MCC: variants seen among roughly 807,000 people sequenced by gnomAD.
The protein encoded by MCC is colorectal mutant cancer protein.
MCC carries 90 observed loss-of-function variants against 116.2 expected under a neutral mutation model. That is an observed-to-expected ratio of 0.77 (90% confidence interval 0.65 to 0.92). The LOEUF (loss-of-function observed/expected upper bound fraction) is 0.92. Ranked by LOEUF, MCC falls within the 40% of genes least tolerant of loss-of-function variation. The probability of loss-of-function intolerance (pLI) is 0.00; values close to 1 mark genes in which losing one functional copy is unlikely to be tolerated. For synonymous variants in MCC, 578 were observed against 510.5 expected (o/e 1.13, Z -1.78); for missense variants, 1,516 against 1,312.2 (o/e 1.16, Z -2.40).
intron 3 of MCC, among the ~76,000 whole-genome samples, chr5:113,315,397 A>G (rs777334377): frequency 3.0e-4 from 45 of 152,322 alleles, no homozygotes; most frequent in Non-Finnish European, 5.7e-4. Context: ...ATTAGATTAA[A>G]TCATATGAAA....
At chr5:113,469,416 A>G (rs1200653565) in intron 1 of MCC, among the ~76,000 whole-genome samples, 1 of 151,952 alleles carries the variant, frequency 6.6e-6, no homozygotes, top group Non-Finnish European at 1.5e-5. Flanking sequence ...GAACATCTTT[A>G]TTTCTGCCTT....
At chr5:113,297,160 T>C (rs563867736) in intron 3 of MCC, among the ~76,000 whole-genome samples, 1 of 152,292 alleles carries the variant, frequency 6.6e-6, no homozygotes, top group Admixed American at 6.5e-5. Context: ...GAAATGAACA[T>C]GCCGATTGTA....
At position 113,434,240 on chromosome 5, in the gene MCC, C is replaced by T; in HGVS notation, c.171-49028G>A. 1.2e-6 allele frequency: 2 copies of T among 1,614,038 alleles called. No homozygotes were observed. The highest frequency in any genetic ancestry group is 1.7e-6 in the Non-Finnish European group (2 of 1,179,948). On this transcript the variant is annotated intron_variant, in intron 1 of 18. Transcript: ENST00000408903. The surrounding 1 kb of genome is among the most constrained non-coding windows in gnomAD (Gnocchi z 4.2). ...TGATGTAGAGGATCACGCCTAGGCT[C>T]CAGATGTCGTACACCTTGGGCTGGT...
Position 113,025,117 on chromosome 5 carries a change from T to G in MCC, c.*2185A>C, listed in dbSNP as rs539869171. 2 of 152,226 alleles carry G rather than the reference T, an allele frequency of 1.3e-5. No individual in the cohort carries two copies. The highest frequency in any genetic ancestry group is 3.9e-4 in the East Asian group (2 of 5,178). 9.4% of individuals were successfully genotyped at this position (152,226 alleles called of 1,614,324 possible). A position where few individuals can be genotyped will look rare whatever the true frequency, so the allele number is the denominator to read the frequency against. On this transcript the variant is annotated 3_prime_UTR_variant, in exon 19 of 19. Coordinates refer to ENST00000408903, the MANE Select transcript of MCC (RefSeq NM_001085377.2). Reference sequence around the variant, plus strand: ...TTTATTCCTGCTTCAGCCACATGTTTCTGTGTCAGTGAAAATGAAAACTGC... The same window carrying G: ...TTTATTCCTGCTTCAGCCACATGTTGCTGTGTCAGTGAAAATGAAAACTGC...
At chr5:113,301,062 G>A (rs1181405344) in intron 3 of MCC, among the ~76,000 whole-genome samples, 2 of 152,234 alleles carry the variant, frequency 1.3e-5, no homozygotes, top group Non-Finnish European at 2.9e-5. Flanking sequence ...CTGTGTGCTA[G>A]ATATTGTCCT....
At chr5:113,046,428 G>A (rs1314818594) in intron 16 of MCC, among the ~76,000 whole-genome samples, 1 of 151,986 alleles carries the variant, frequency 6.6e-6, no homozygotes, top group African/African-American at 2.4e-5. Flanking sequence ...CTGACCTCAA[G>A]TGATCCACCC....
intron 3 of MCC, among the ~76,000 whole-genome samples, chr5:113,191,606 G>A (rs1370127408): frequency 6.6e-6 from 1 of 152,238 alleles, no homozygotes; most frequent in African/African-American, 2.4e-5. Flanking sequence ...CAGTGATGCA[G>A]GCAGAGGTTT....
intron 2 of MCC, among the ~76,000 whole-genome samples, chr5:113,360,240 ATAT>A (rs750709695): frequency 6.6e-6 from 1 of 152,196 alleles, no homozygotes; most frequent in African/African-American, 2.4e-5. Flanking sequence ...AAAAAACAAA[ATAT>A]TATCCTTTAT....
chr5:113,388,704 C>T (rs1397345788), intron 1 of MCC, among the ~76,000 whole-genome samples: 2 of 152,218 alleles, frequency 1.3e-5, no homozygotes, highest in Admixed American at 1.3e-4. Flanking sequence ...ATACAGCTTG[C>T]AGAACAGTGA....
intron 10 of MCC, 44 bp downstream of exon 10, chr5:113,084,057 G>C (rs1476669675): frequency 1.4e-6 from 2 of 1,462,516 alleles, no homozygotes; most frequent in Non-Finnish European, 1.9e-6. Context: ...TGTCTGTGTA[G>C]CTCTGCCGGG....
Position 113,488,352 on chromosome 5 carries a change from G to A in MCC, c.63C>T (p.Gly21=). 1.5e-6 allele frequency: 2 copies of A among 1,306,984 alleles called. No homozygotes were observed. Among genetic ancestry groups the A allele is most frequent in the South Asian group, 1.5e-5 (1 of 67,928 alleles). The allele number at this position is 1,306,984 out of a possible 1,614,324, so 81.0% of individuals were successfully genotyped here. The change falls in exon 1 of 19, where the codon GGC becomes GGT. Residue 21 remains glycine, a synonymous_variant. Transcript: ENST00000408903. ...CGCTGCTGCTGCTGCTGCTGCCGCT[G>A]CCGCCGCCGCCGCCGCCGCTGCTGG... ...GSSSSGGGGG[G]SGSSSSSSDT...
intron 3 of MCC, among the ~76,000 whole-genome samples, chr5:113,287,093 G>C (rs1424074727): frequency 6.6e-6 from 1 of 151,990 alleles, no homozygotes; most frequent in Non-Finnish European, 1.5e-5. Context: ...GGAGGAAAGA[G>C]GGTTCAAAAA....
chr5:113,055,544 GA>G (rs1381594825), intron 14 of MCC, among the ~76,000 whole-genome samples: 1 of 152,202 alleles, frequency 6.6e-6, no homozygotes, highest in African/African-American at 2.4e-5. Flanking sequence ...TCAAGTCAGA[GA>G]ACCCCTTCTA....
At chr5:113,212,190 C>T (rs1337479804) in intron 3 of MCC, among the ~76,000 whole-genome samples, 8 of 152,198 alleles carry the variant, frequency 5.3e-5, no homozygotes, top group African/African-American at 1.2e-4. Context: ...TTGGTACATA[C>T]ATATATAACC....
At chr5:113,399,472 A>T (rs946145961) in intron 1 of MCC, among the ~76,000 whole-genome samples, 2 of 152,172 alleles carry the variant, frequency 1.3e-5, no homozygotes, top group African/African-American at 4.8e-5. Context: ...CCGACAGAGC[A>T]AGACTCTGTC....
At chr5:113,165,093 A>C (rs1188080316) in intron 3 of MCC, among the ~76,000 whole-genome samples, 1 of 152,222 alleles carries the variant, frequency 6.6e-6, no homozygotes, top group Non-Finnish European at 1.5e-5. Flanking sequence ...AGGGCCTGTG[A>C]GTGTTTTGCA....
At chr5:113,085,401 C>T in intron 8 of MCC, 91 bp from the exon 9 acceptor site, 2 of 1,280,180 alleles carry the variant, frequency 1.6e-6, no homozygotes, top group Non-Finnish European at 2.2e-6. Flanking sequence ...CTTTCATTTA[C>T]ATTGAGGGAT....
At chr5:113,095,907 C>A (rs1191729560) in intron 8 of MCC, among the ~76,000 whole-genome samples, 1 of 152,144 alleles carries the variant, frequency 6.6e-6, no homozygotes, top group Non-Finnish European at 1.5e-5. Context: ...CCCTACTGAG[C>A]TTGCACTGGT....
intron 1 of MCC, among the ~76,000 whole-genome samples, chr5:113,407,390 T>G (rs1310778560): frequency 6.6e-6 from 1 of 152,174 alleles, no homozygotes. Flanking sequence ...ATCCTACCTT[T>G]GCTATTTTCT....
Sources: gnomAD v4.1 joint callset for allele counts (sites outside exome capture counted in the v4.1 genomes callset) on GRCh38, gnomAD v4.1.1 for gene constraint, Gnocchi (gnomAD v3.1) non-coding constraint, MANE v1.5 for transcripts, NCBI Gene and HGNC (gene_info 2026-07-23, HGNC 2026-07-21) for gene names.